The following KLHL8 variants were observed in gnomAD, a reference collection of about 807,000 sequenced individuals.
The protein encoded by KLHL8 is kelch like family member 8.
In KLHL8, 38 loss-of-function variants were observed where a neutral mutation model predicts 63.5. That is an observed-to-expected ratio of 0.60 (90% CI 0.46 to 0.78). KLHL8 has a LOEUF of 0.78. Ranked by LOEUF, KLHL8 falls within the 30% of genes least tolerant of loss-of-function variation. The pLI, the probability that KLHL8 is intolerant of heterozygous loss-of-function variation, is 0.00. For missense variants in KLHL8, 566 were observed against 752.4 expected, an observed-to-expected ratio of 0.75 and a Z score of 2.90; for synonymous variants, 224 against 254.3, an observed-to-expected ratio of 0.88 and a Z score of 1.13.
chr4:87,228,979 G>C (rs1733084507), intron 1 of KLHL8, among the ~76,000 whole-genome samples: 1 of 152,080 alleles, frequency 6.6e-6, no homozygotes, highest in African/African-American at 2.4e-5. Flanking sequence ...ATTCCCCTTG[G>C]GAGTTTAAAA....
rs201412950 is a variant in KLHL8, at chr4:87,182,608, C to CA, written c.952+594dup. On this transcript the variant is annotated intron_variant, in intron 4 of 9. Transcript: ENST00000273963. ...TGATACTTCTTATAGCATAATGTCT[C>CA]AAAAAAAAAGAAGCGAACATGAACT... 1.1e-3 allele frequency among the ~76,000 whole-genome samples: 160 copies of CA among 149,642 alleles called. 1 individual carries two copies. In the East Asian group the frequency reaches 0.02, roughly 19 times the overall value.
At chr4:87,220,236 G>A (rs1009414558) in intron 1 of KLHL8, 182 bp downstream of exon 1, 2 of 152,392 alleles carry the variant, frequency 1.3e-5, no homozygotes, top group Non-Finnish European at 2.9e-5. Flanking sequence ...TCTCAGCTGT[G>A]GAGTTTCGGT....
At chr4:87,229,597 A>G (rs1187041057) in intron 1 of KLHL8, among the ~76,000 whole-genome samples, 1 of 148,854 alleles carries the variant, frequency 6.7e-6, no homozygotes. Flanking sequence ...ATGCATGGCT[A>G]ATTTTTGTAA....
intron 1 of KLHL8, among the ~76,000 whole-genome samples, chr4:87,217,635 C>A (rs536439155): frequency 6.7e-6 from 1 of 149,780 alleles, no homozygotes; most frequent in Non-Finnish European, 1.5e-5. Context: ...CATGAGCCAC[C>A]GAGCCTGGCC....
At position 87,180,156 on chromosome 4, in the gene KLHL8, C is replaced by T. The variant is rs111294059; in HGVS notation, c.953-1536G>A. On this transcript the variant is annotated intron_variant, in intron 4 of 9. Transcript: ENST00000273963. The stretch of plus-strand genomic sequence containing the variant: ...CTCCTGCAACTATGCATATAGTACA[C>T]ATCTTTGGTGTTCCTATAGCACTTT... Among the ~76,000 whole-genome samples, 1,101 of 152,342 alleles carry T rather than the reference C, an allele frequency of 7.2e-3. 10 individuals carry two copies. Among genetic ancestry groups the T allele is most frequent in the African/African-American group, 0.025 (1,049 of 41,584 alleles).
Position 87,207,957 on chromosome 4 carries a change from C to T in KLHL8, c.-151-12267G>A, listed in dbSNP as rs1578395778. 4 of 814,748 alleles carry T rather than the reference C, an allele frequency of 4.9e-6. No homozygotes were observed. In the East Asian group the frequency reaches 9.9e-5, roughly 20 times the overall value. The allele number at this position is 814,748 out of a possible 1,614,324, so 50.5% of individuals were successfully genotyped here. On this transcript the variant is annotated intron_variant, in intron 1 of 9. Transcript: ENST00000273963. Reference sequence around the variant, plus strand: ...CCTCCAACTTCAACAGCAACACGCACTCTTCCACCTTCAATGTTAGGGCTG... The same window carrying T: ...CCTCCAACTTCAACAGCAACACGCATTCTTCCACCTTCAATGTTAGGGCTG...
At chr4:87,205,462 T>C (rs148340589) in intron 1 of KLHL8, among the ~76,000 whole-genome samples, 15 of 152,092 alleles carry the variant, frequency 9.9e-5, no homozygotes, top group Middle Eastern at 3.4e-3. Context: ...AGCATCACGA[T>C]AGAAAACACT....
intron 1 of KLHL8, among the ~76,000 whole-genome samples, chr4:87,215,382 T>C (rs1015250611): frequency 2.0e-5 from 3 of 152,212 alleles, no homozygotes; most frequent in Non-Finnish European, 4.4e-5. Context: ...CAGACTATTT[T>C]TACAAAGAAC....
At chr4:87,183,088 ATTAC>A in intron 4 of KLHL8, 111 bp downstream of exon 4, 3 of 654,370 alleles carry the variant, frequency 4.6e-6, no homozygotes, top group Non-Finnish European at 7.4e-6. Context: ...TTTGCCAATT[ATTAC>A]TTTAAGGCAA....
chr4:87,239,295 T>C (rs1733288424), intron 1 of KLHL8, among the ~76,000 whole-genome samples: 1 of 152,168 alleles, frequency 6.6e-6, no homozygotes, highest in Admixed American at 6.5e-5. Flanking sequence ...ATGAATAAAG[T>C]TGTGACTCTT....
At chr4:87,209,630 C>T (rs756027530) in intron 1 of KLHL8, among the ~76,000 whole-genome samples, 1 of 152,154 alleles carries the variant, frequency 6.6e-6, no homozygotes, top group Non-Finnish European at 1.5e-5. Context: ...ACCTTATTCT[C>T]GTTCTCTAGC....
chr4:87,214,405 G>C, intron 1 of KLHL8, among the ~76,000 whole-genome samples: 1 of 89,588 alleles, frequency 1.1e-5, no homozygotes, highest in Non-Finnish European at 2.4e-5. Flanking sequence ...TAACAAACTG[G>C]CACATAACAG....
intron 1 of KLHL8, among the ~76,000 whole-genome samples, chr4:87,196,208 T>A (rs1460942432): frequency 6.6e-6 from 1 of 151,798 alleles, no homozygotes; most frequent in East Asian, 1.9e-4. Context: ...TAAAGTTCAC[T>A]AAAGATTTTT....
chr4:87,223,125 G>GTTTGTTTTGTTTTGTTTTGT (rs397817772), upstream of KLHL8, among the ~76,000 whole-genome samples: 2,296 of 147,806 alleles, frequency 0.016, 67 homozygotes, highest in Admixed American at 0.068. Context: ...TAATTTTTTT[G>GTTTGTTTTGTTTTGTTTTGT]TTTGTTTTGT....
upstream of KLHL8, chr4:87,221,382 A>G (rs1237093192): frequency 7.2e-6 from 1 of 139,826 alleles, no homozygotes; most frequent in Non-Finnish European, 1.5e-5. Context: ...CGACAGAGCA[A>G]GACTCCGTCT....
Position 87,163,580 on chromosome 4 carries a change from C to G in KLHL8, c.1802G>C (p.Cys601Ser), listed in dbSNP as rs1322179198. The stretch of plus-strand genomic sequence containing the variant: ...TACATCTCGAATTTGGCTAGTTAAA[C>G]AGGAACACACAGCTACTCCTGCTCC... ...RAGAGVAVCSCLTSQIRDVGH... is the reference protein window; with the variant it reads ...RAGAGVAVCSSLTSQIRDVGH... Residue 601 changes from cysteine (C) to serine (S), a missense_variant, in exon 10 of 10, where the codon TGT becomes TCT. Coordinates refer to ENST00000273963, the MANE Select transcript of KLHL8 (RefSeq NM_020803.5). 1 of 1,614,126 alleles carries G rather than the reference C, an allele frequency of 6.2e-7. No homozygotes were observed. Among genetic ancestry groups the G allele is most frequent in the Non-Finnish European group, 8.5e-7 (1 of 1,180,010 alleles).
chr4:87,225,463 T>G (rs919267810), upstream of KLHL8, among the ~76,000 whole-genome samples: 3 of 152,164 alleles, frequency 2.0e-5, no homozygotes, highest in African/African-American at 7.2e-5. Context: ...AAACAACCAT[T>G]CGGTAACTAC....
intron 2 of KLHL8, among the ~76,000 whole-genome samples, chr4:87,187,703 T>C (rs1355596481): frequency 6.6e-6 from 1 of 152,142 alleles, no homozygotes; most frequent in Non-Finnish European, 1.5e-5. Flanking sequence ...ACTACTTTTA[T>C]GGTTTTATGT....
chr4:87,160,244 A>G lies in KLHL8; in HGVS notation c.*3275T>C, dbSNP rs1730107410. ...TGGAGTATTATAACACAAATTTATAAATGGTTTTAAGAAAATATTATAGAG... is the reference window on the plus strand; with the variant it reads ...TGGAGTATTATAACACAAATTTATAGATGGTTTTAAGAAAATATTATAGAG... On this transcript the variant is annotated 3_prime_UTR_variant, in exon 10 of 10. Coordinates refer to ENST00000273963, the MANE Select transcript of KLHL8 (RefSeq NM_020803.5). The G allele has an allele frequency of 6.6e-6, 1 of 152,214 alleles. No individual in the cohort carries two copies. The highest frequency in any genetic ancestry group is 1.5e-5 in the Non-Finnish European group (1 of 68,012). The allele number at this position is 152,214 out of a possible 1,614,324, so 9.4% of individuals were successfully genotyped here. A position where few individuals can be genotyped will look rare whatever the true frequency, so the allele number is the denominator to read the frequency against.
Sources: gnomAD v4.1 joint callset for allele counts (sites outside exome capture counted in the v4.1 genomes callset) on GRCh38, gnomAD v4.1.1 for gene constraint, MANE v1.5 for transcripts, NCBI Gene and HGNC (gene_info 2026-07-23, HGNC 2026-07-21) for gene names.